The following SELENON variants were observed in gnomAD, a reference collection of about 807,000 sequenced individuals.
SELENON encodes the protein selenoprotein N.
In SELENON, 44 loss-of-function variants were observed where a neutral mutation model predicts 59.5. The observed-to-expected ratio is 0.74, with a 90% CI of 0.58 to 0.95. The LOEUF is 0.95. Among genes scored for constraint, SELENON ranks in the 40% least tolerant of loss-of-function variants. The pLI is 0.00. For synonymous variants in SELENON, 320 were observed against 305.6 expected, an observed-to-expected ratio of 1.05 and a Z score of -0.49; for missense variants, 674 against 721.4, an observed-to-expected ratio of 0.93 and a Z score of 0.75.
At chr1:25,800,967 C>G (rs1373537566) in intron 1 of SELENON, 76 bp from the exon 2 acceptor site, 2 of 1,154,292 alleles carry the variant, frequency 1.7e-6, no homozygotes, top group Non-Finnish European at 2.6e-6. Flanking sequence ...GGGCTCCATG[C>G]GGAAGCAACT....
Position 25,808,715 on chromosome 1 carries a change from C to T in SELENON, c.673C>T (p.Pro225Ser). The change falls in exon 5 of 13, where the codon CCC (proline) becomes TCC (serine). Residue 225 changes from proline to serine, a missense_variant. By Grantham distance (74) the Pro-to-Ser change is moderately conservative (BLOSUM62 -1). Transcript: ENST00000361547. ...GCTGGGTGAGCCCTGGTGGATCATC[C>T]CCAGTGAGCTGAGCATGTTCACTGG... 1 of 1,614,124 alleles carries T rather than the reference C, an allele frequency of 6.2e-7. No individual in the cohort carries two copies. Among genetic ancestry groups the T allele is most frequent in the Non-Finnish European group, 8.5e-7 (1 of 1,179,998 alleles).
At chr1:25,813,580 G>T (rs532700224) in intron 10 of SELENON, 1 of 469,116 alleles carries the variant, frequency 2.1e-6, no homozygotes, top group African/African-American at 2.0e-5. Flanking sequence ...TCCAGGTAGA[G>T]GAACAGCCTG....
chr1:25,805,949 C>A (rs908447967), intron 4 of SELENON, among the ~76,000 whole-genome samples: 1 of 152,238 alleles, frequency 6.6e-6, no homozygotes, highest in Non-Finnish European at 1.5e-5. Context: ...TCTCTCCTCC[C>A]CTCTGTGGGC....
Position 25,818,151 on chromosome 1 carries a change from G to GCCCTGTCACTCCTCTAACACTTCCCTC in SELENON, c.*2441_*2467dup. ...TCAGGGTGGGAGAGGGCCCCGGGCTGCCCTGTCACTCCTCTAACACTTCCC... is the reference window on the plus strand; with the variant it reads ...TCAGGGTGGGAGAGGGCCCCGGGCTGCCCTGTCACTCCTCTAACACTTCCCTCCCCTGTCACTCCTCTAACACTTCCC... On this transcript the variant is annotated 3_prime_UTR_variant, in exon 13 of 13. Transcript: ENST00000361547. The GCCCTGTCACTCCTCTAACACTTCCCTC allele has an allele frequency of 6.6e-6, 1 of 152,400 alleles. No homozygotes were observed. The highest frequency in any genetic ancestry group is 1.5e-5 in the Non-Finnish European group (1 of 68,200). 9.4% of individuals were successfully genotyped at this position (152,400 alleles called of 1,614,324 possible). A position where few individuals can be genotyped will look rare whatever the true frequency, so the allele number is the denominator to read the frequency against.
At position 25,802,066 on chromosome 1, in the gene SELENON, C is replaced by A; in HGVS notation, c.352C>A (p.Leu118Met). 1 of 311,920 alleles carries A rather than the reference C, an allele frequency of 3.2e-6. No individual in the cohort carries two copies. The allele number at this position is 311,920 out of a possible 1,614,324, so 19.3% of individuals were successfully genotyped here. A position where few individuals can be genotyped will look rare whatever the true frequency, so the allele number is the denominator to read the frequency against. Residue 118 changes from leucine (L) to methionine (M), a missense_variant, in exon 3 of 13, where the codon CTG becomes ATG. Transcript: ENST00000361547. ...AGTGCAGTGGTGCAGTCACAGCTCA[C>A]TGCAGCCTCAACTTCCCTGGCTCAA...
chr1:25,814,047 G>T, intron 11 of SELENON, 30 bp from the exon 11 acceptor site: 1 of 1,609,248 alleles, frequency 6.2e-7, no homozygotes, highest in Non-Finnish European at 8.5e-7. Context: ...TGGGGGCCGC[G>T]GCATCAGGAG....
At chr1:25,808,271 C>T (rs767366140) in intron 4 of SELENON, among the ~76,000 whole-genome samples, 5 of 149,122 alleles carry the variant, frequency 3.4e-5, no homozygotes, top group Admixed American at 6.7e-5. Context: ...ACCTTGCCCT[C>T]GAGCGAGCTG....
At chr1:25,814,219 C>CG (rs780137105) in intron 12 of SELENON, 41 bp downstream of exon 11, 30 of 1,541,042 alleles carry the variant, frequency 1.9e-5, no homozygotes, top group Non-Finnish European at 2.7e-5. Context: ...CCAGGCACCT[C>CG]GGGGCCCCGG....
chr1:25,814,649 A>C (rs1172132896), intron 12 of SELENON, among the ~76,000 whole-genome samples: 3 of 152,236 alleles, frequency 2.0e-5, no homozygotes, highest in African/African-American at 7.2e-5. Context: ...ATGGATGGTC[A>C]TGAATACCCA....
Position 25,807,728 on chromosome 1 carries a change from C to T in SELENON, c.538-852C>T. Among the ~76,000 whole-genome samples, 1 of 152,188 alleles carries T rather than the reference C, an allele frequency of 6.6e-6. No homozygotes were observed. Among genetic ancestry groups the T allele is most frequent in the East Asian group, 1.9e-4 (1 of 5,184 alleles). The stretch of plus-strand genomic sequence containing the variant: ...GTGGGAGCTCCCTGCCTGCTTTCCT[C>T]CTACCTCCCACCAAGCCTGAGCTCC... On this transcript the variant is annotated intron_variant, in intron 4 of 12. Coordinates refer to ENST00000361547, the MANE Select transcript of SELENON (RefSeq NM_020451.3). The surrounding 1 kb of genome is among the most constrained non-coding windows in gnomAD (Gnocchi z 4.5).
intron 3 of SELENON, among the ~76,000 whole-genome samples, chr1:25,802,750 G>C (rs2047871135): frequency 6.6e-6 from 1 of 152,194 alleles, no homozygotes; most frequent in Non-Finnish European, 1.5e-5. Context: ...ACATTCTAAT[G>C]AATTATAAAA....
chr1:25,811,907 G>A (rs551109690), intron 9 of SELENON, 28 bp downstream of exon 8: 2 of 1,550,016 alleles, frequency 1.3e-6, no homozygotes, highest in Non-Finnish European at 1.7e-6. Flanking sequence ...TGAAGGCCAG[G>A]GTCAGGCTGC....
At position 25,815,605 on chromosome 1, in the gene SELENON, A is replaced by C; in HGVS notation, c.1660A>C (p.Ile554Leu). 6.2e-7 allele frequency: 1 copy of C among 1,614,192 alleles called. No homozygotes were observed. The highest frequency in any genetic ancestry group is 1.1e-5 in the South Asian group (1 of 91,088). ...CATCACCTCCGTGAAGCCCGAGGAA[A>C]TCGAGAGCAATCTCTTCAGCTTCTC... The change falls in exon 13 of 13, where the codon ATC becomes CTC. Residue 554 changes from isoleucine (I) to leucine (L), a missense_variant. Coordinates refer to ENST00000361547, the MANE Select transcript of SELENON (RefSeq NM_020451.3).
rs569621274 is a variant in SELENON at position 25,806,175 on chromosome 1, G to A, written c.537+900G>A. Among the ~76,000 whole-genome samples the A allele has an allele frequency of 8.5e-5, 13 of 152,374 alleles. No individual in the cohort carries two copies. In the East Asian group the frequency reaches 1.5e-3, roughly 18 times the overall value. On this transcript the variant is annotated intron_variant, in intron 4 of 12. Coordinates refer to ENST00000361547, the MANE Select transcript of SELENON (RefSeq NM_020451.3). ...GTGCCAGGCTGGTCACTGAGGCCAG[G>A]CAGTGGGTGTGTCTGGGCCCAGGGG...
At chr1:25,800,942 A>G (rs1346751479) in intron 1 of SELENON, 101 bp from the exon 2 acceptor site, 5 of 941,056 alleles carry the variant, frequency 5.3e-6, no homozygotes, top group Non-Finnish European at 7.1e-6. Flanking sequence ...GAGCTCAGGA[A>G]GATGGTGGGA....
At chr1:25,806,487 G>A (rs772354386) in intron 4 of SELENON, among the ~76,000 whole-genome samples, 8 of 152,172 alleles carry the variant, frequency 5.3e-5, no homozygotes, top group Non-Finnish European at 1.0e-4. Flanking sequence ...GGAAGGGCAG[G>A]GAGCGGCTCC....
rs72877465 is a variant in SELENON, at chr1:25,812,564, A to C, written c.1282-123A>C. 3.0e-3 allele frequency: 1,729 copies of C among 574,218 alleles called. 6 individuals carry two copies. Among genetic ancestry groups the C allele is most frequent in the Middle Eastern group, 8.4e-3 (18 of 2,140 alleles). 35.6% of individuals were successfully genotyped at this position (574,218 alleles called of 1,614,324 possible). On this transcript the variant is annotated intron_variant, in intron 9 of 12. Coordinates refer to ENST00000361547, the MANE Select transcript of SELENON (RefSeq NM_020451.3). ...ACACAAATATATATGCCTACACACA[A>C]ACACACACACACACACACACACACA...
chr1:25,806,402 G>A (rs1329992909), intron 4 of SELENON, among the ~76,000 whole-genome samples: 8 of 152,212 alleles, frequency 5.3e-5, no homozygotes, highest in Admixed American at 5.2e-4. Flanking sequence ...GGGAGAAGTG[G>A]GAGGCAAGAA....
rs949265008 is a variant in SELENON, at chr1:25,809,255, A to T, written c.872+105A>T. On this transcript the variant is annotated intron_variant, in intron 6 of 12. Transcript: ENST00000361547. Reference sequence around the variant, plus strand: ...GCCCCCCAGCTCCACCTCTCCTCCCACTGCCGTCTTGGGCAAGCAGCTTTG... The same window carrying T: ...GCCCCCCAGCTCCACCTCTCCTCCCTCTGCCGTCTTGGGCAAGCAGCTTTG... The T allele has an allele frequency of 4.4e-5, 68 of 1,534,380 alleles. 1 individual carries two copies. In the Admixed American group the frequency reaches 6.7e-4, roughly 15 times the overall value.
Sources: allele counts gnomAD v4.1 joint callset (sites outside exome capture counted in the v4.1 genomes callset), GRCh38; gene constraint gnomAD v4.1.1; non-coding constraint Gnocchi (gnomAD v3.1); transcripts MANE v1.5; gene names NCBI Gene and HGNC (gene_info 2026-07-23, HGNC 2026-07-21).